Variants in CSNK1G1 observed in about 807,000 individuals in gnomAD.
CSNK1G1 encodes casein kinase I isoform gamma-1.
A neutral mutation model predicts 59.6 loss-of-function variants in CSNK1G1; 22 were observed. The observed-to-expected ratio is 0.37, with a 90% CI of 0.26 to 0.53. The LOEUF (loss-of-function observed/expected upper bound fraction) is 0.53. Ranked by LOEUF, CSNK1G1 falls within the 20% of genes least tolerant of loss-of-function variation. The pLI is 0.89. For synonymous variants in CSNK1G1, 179 were observed against 177.1 expected, an observed-to-expected ratio of 1.01 and a Z score of -0.08; for missense variants, 384 against 519.5, an observed-to-expected ratio of 0.74 and a Z score of 2.54.
chr15:64,190,789 A>G (rs1452966772), intron 10 of CSNK1G1, among the ~76,000 whole-genome samples: 1 of 152,232 alleles, frequency 6.6e-6, no homozygotes, highest in Non-Finnish European at 1.5e-5. Context: ...TGGAGATCTG[A>G]GAATAAACCT....
chr15:64,172,450 T>A (rs1036559810), intron 11 of CSNK1G1, among the ~76,000 whole-genome samples: 1 of 152,140 alleles, frequency 6.6e-6, no homozygotes, highest in Non-Finnish European at 1.5e-5. Context: ...AATCCCATGA[T>A]AAGTATGATG....
rs2081600499 is a variant in CSNK1G1, at chr15:64,166,135, C to A, written c.*5796G>T. On this transcript the variant is annotated 3_prime_UTR_variant, in exon 12 of 12. Coordinates refer to ENST00000303052, the MANE Select transcript of CSNK1G1 (RefSeq NM_022048.5). The surrounding 1 kb of genome is among the most constrained non-coding windows in gnomAD (Gnocchi z 4.5). ...ATTTAACAATAATCAGACACATCCA[C>A]ACATTAAAACTGATTTCCACTGCTG... 1.9e-6 allele frequency: 1 copy of A among 539,972 alleles called. No homozygotes were observed. The highest frequency in any genetic ancestry group is 3.1e-5 in the East Asian group (1 of 32,072). The allele number at this position is 539,972 out of a possible 1,614,324, so 33.4% of individuals were successfully genotyped here. A position where few individuals can be genotyped will look rare whatever the true frequency, so the allele number is the denominator to read the frequency against.
intron 11 of CSNK1G1, among the ~76,000 whole-genome samples, chr15:64,173,156 T>C (rs2081696116): frequency 6.6e-6 from 1 of 152,232 alleles, no homozygotes; most frequent in Non-Finnish European, 1.5e-5. Flanking sequence ...AAGCCAGCAA[T>C]ATTCATATGG....
intron 4 of CSNK1G1, among the ~76,000 whole-genome samples, chr15:64,224,999 C>T (rs1056624060): frequency 9.4e-5 from 14 of 148,582 alleles, no homozygotes; most frequent in African/African-American, 3.5e-4. Context: ...ATCCAAAATA[C>T]ACTTTTCTTT....
rs150555352 is a variant in CSNK1G1, at chr15:64,263,868, T to G, written c.182-4627A>C. Reference sequence around the variant, plus strand: ...AAAAAGCCCTTTTCTAAATATACTTTCTAGTCTTAAGACTAAGCCAGCACC... The same window carrying G: ...AAAAAGCCCTTTTCTAAATATACTTGCTAGTCTTAAGACTAAGCCAGCACC... On this transcript the variant is annotated intron_variant, in intron 2 of 11. Transcript: ENST00000303052. Among the ~76,000 whole-genome samples the G allele has an allele frequency of 7.8e-3, 1,176 of 151,460 alleles. 17 individuals are homozygous for G. Among genetic ancestry groups the G allele is most frequent in the African/African-American group, 0.027 (1,101 of 41,196 alleles).
At chr15:64,204,304 A>C (rs1477697655) in intron 9 of CSNK1G1, 137 bp downstream of exon 9, 1 of 685,066 alleles carries the variant, frequency 1.5e-6, no homozygotes, top group Non-Finnish European at 2.2e-6. Context: ...CAAGGCTAGT[A>C]AATATACAGT....
At chr15:64,303,516 C>A (rs1282441432) in intron 1 of CSNK1G1, among the ~76,000 whole-genome samples, 1 of 151,716 alleles carries the variant, frequency 6.6e-6, no homozygotes, top group African/African-American at 2.4e-5. Context: ...CTTTGGGAGG[C>A]CAAGGCGGGT....
chr15:64,287,992 C>CAAAT, intron 2 of CSNK1G1, among the ~76,000 whole-genome samples: 1 of 151,960 alleles, frequency 6.6e-6, no homozygotes, highest in Non-Finnish European at 1.5e-5. Flanking sequence ...ATTGAATAAA[C>CAAAT]AAATGGTAAA....
chr15:64,284,823 C>A (rs1894323698), intron 2 of CSNK1G1, among the ~76,000 whole-genome samples: 1 of 151,956 alleles, frequency 6.6e-6, no homozygotes, highest in African/African-American at 2.4e-5. Flanking sequence ...CTTATTAACA[C>A]AAGTGATATC....
At position 64,188,156 on chromosome 15, in the gene CSNK1G1, C is replaced by G. The variant is rs544645406; in HGVS notation, c.1108-7702G>C. Among the ~76,000 whole-genome samples, 3 of 152,256 alleles carry G rather than the reference C, an allele frequency of 2.0e-5. No homozygotes were observed. The highest frequency in any genetic ancestry group is 2.0e-4 in the Admixed American group (3 of 15,280). On this transcript the variant is annotated intron_variant, in intron 10 of 11. Transcript: ENST00000303052. The surrounding 1 kb of genome is among the most constrained non-coding windows in gnomAD (Gnocchi z 4.2). ...GACTAGGTTAACCAGAAATCAGTATCAGAAATCATATAGATGTTTCTTAGT... is the reference window on the plus strand; with the variant it reads ...GACTAGGTTAACCAGAAATCAGTATGAGAAATCATATAGATGTTTCTTAGT...
intron 1 of CSNK1G1, among the ~76,000 whole-genome samples, chr15:64,314,979 T>C (rs1896194551): frequency 6.6e-6 from 1 of 152,232 alleles, no homozygotes; most frequent in Admixed American, 6.5e-5. Context: ...TTCAAATCTT[T>C]TGGATAAATA....
intron 10 of CSNK1G1, among the ~76,000 whole-genome samples, chr15:64,186,208 G>A (rs1325067607): frequency 6.6e-6 from 1 of 152,144 alleles, no homozygotes; most frequent in East Asian, 1.9e-4. Flanking sequence ...CCGAGTTTAA[G>A]TGATTCTCCT....
At chr15:64,339,416 G>A (rs578112954) in intron 1 of CSNK1G1, among the ~76,000 whole-genome samples, 1 of 152,234 alleles carries the variant, frequency 6.6e-6, no homozygotes, top group East Asian at 1.9e-4. Context: ...AGGTTCAAGC[G>A]ATTCTCCTGC....
At chr15:64,272,430 G>A (rs189504553) in intron 2 of CSNK1G1, among the ~76,000 whole-genome samples, 4 of 151,978 alleles carry the variant, frequency 2.6e-5, no homozygotes, top group Non-Finnish European at 5.9e-5. Context: ...TGTTAGCCAG[G>A]ATGGTCTCAA....
At chr15:64,198,803 GAA>G (rs2082069417) in intron 10 of CSNK1G1, among the ~76,000 whole-genome samples, 2 of 151,688 alleles carry the variant, frequency 1.3e-5, no homozygotes, top group Non-Finnish European at 1.5e-5. Flanking sequence ...ACCAAAGGTT[GAA>G]CAGACACTAG....
At chr15:64,181,300 C>A in intron 10 of CSNK1G1, 1 of 1,536,126 alleles carries the variant, frequency 6.5e-7, no homozygotes, top group South Asian at 1.2e-5. Context: ...AATCAGGCTT[C>A]TCTTGCATGT....
chr15:64,216,473 T>C lies in CSNK1G1; in HGVS notation c.444+89A>G. 1 of 1,310,612 alleles carries C rather than the reference T, an allele frequency of 7.6e-7. No individual in the cohort carries two copies. Among genetic ancestry groups the C allele is most frequent in the South Asian group, 1.3e-5 (1 of 75,284 alleles). 81.2% of individuals were successfully genotyped at this position (1,310,612 alleles called of 1,614,324 possible). A position where few individuals can be genotyped will look rare whatever the true frequency, so the allele number is the denominator to read the frequency against. Reference sequence around the variant, plus strand: ...CCTGTGAGTACTAATTCTTGATGTGTTGCTACGGCTAGTAAATCACCAAAA... The same window carrying C: ...CCTGTGAGTACTAATTCTTGATGTGCTGCTACGGCTAGTAAATCACCAAAA... On this transcript the variant is annotated intron_variant, in intron 5 of 11. Coordinates refer to ENST00000303052, the MANE Select transcript of CSNK1G1 (RefSeq NM_022048.5). The surrounding 1 kb of genome is among the most constrained non-coding windows in gnomAD (Gnocchi z 4.6).
chr15:64,189,991 T>C (rs2081949742), intron 10 of CSNK1G1, among the ~76,000 whole-genome samples: 2 of 152,036 alleles, frequency 1.3e-5, no homozygotes, highest in Admixed American at 1.3e-4. Context: ...GCTAATTTTT[T>C]TTGTATTTTC....
At chr15:64,183,738 CTTTT>C (rs917788710) in intron 10 of CSNK1G1, among the ~76,000 whole-genome samples, 3 of 141,716 alleles carry the variant, frequency 2.1e-5, no homozygotes, top group Non-Finnish European at 4.7e-5. Context: ...TTATGTTTTT[CTTTT>C]TTTTTTTTTT....
Sources: gnomAD v4.1 joint callset for allele counts (sites outside exome capture counted in the v4.1 genomes callset) on GRCh38, gnomAD v4.1.1 for gene constraint, Gnocchi (gnomAD v3.1) non-coding constraint, MANE v1.5 for transcripts, NCBI Gene and HGNC (gene_info 2026-07-23, HGNC 2026-07-21) for gene names.